Variants in MIER2 observed in about 807,000 individuals in gnomAD.
The protein encoded by MIER2 is MIER family member 2, also known as mesoderm induction early response protein 2.
Under a neutral mutation model 67.6 loss-of-function variants are expected in MIER2, and 30 were observed. The observed-to-expected ratio is 0.44, with a 90% confidence interval of 0.33 to 0.60. MIER2 has a LOEUF of 0.60. Ranked by LOEUF, MIER2 falls within the 20% of genes least tolerant of loss-of-function variation. MIER2 has a pLI of 0.02. For missense variants in MIER2, 702 were observed against 745.1 expected (o/e 0.94, Z 0.67); for synonymous variants, 372 against 312.6 (o/e 1.19, Z -2.00).
intron 7 of MIER2, among the ~76,000 whole-genome samples, chr19:321,010 T>G (rs537822902): frequency 6.6e-6 from 1 of 152,272 alleles, no homozygotes; most frequent in East Asian, 1.9e-4. Context: ...GGCACAAGGA[T>G]GTGAAAAACG....
Position 308,475 on chromosome 19 carries a change from G to A in MIER2, c.1198+102C>T, listed in dbSNP as rs1970767533. On this transcript the variant is annotated intron_variant, in intron 12 of 13. Coordinates refer to ENST00000264819, the MANE Select transcript of MIER2 (RefSeq NM_017550.3). This position sits in a 1 kb window ranked among gnomAD's most constrained non-coding sequence, Gnocchi z 9.1. ...GACGCCCACTCCTCCTGGCGAGGCT[G>A]GCCCAGCACAGGGCGCCAGGCAGGA... 3 of 1,257,526 alleles carry A rather than the reference G, an allele frequency of 2.4e-6. No homozygotes were observed. Among genetic ancestry groups the A allele is most frequent in the Non-Finnish European group, 2.2e-6 (2 of 918,628 alleles). 77.9% of individuals were successfully genotyped at this position (1,257,526 alleles called of 1,614,324 possible).
At chr19:318,584 G>A (rs1971359839) in intron 7 of MIER2, among the ~76,000 whole-genome samples, 1 of 152,178 alleles carries the variant, frequency 6.6e-6, no homozygotes. Context: ...CAATTATCCA[G>A]CGGATCCAAG....
rs1185311691 is a variant in MIER2 at position 339,965 on chromosome 19, T to G, written c.10-3792A>C. Among the ~76,000 whole-genome samples, 6 of 152,318 alleles carry G rather than the reference T, an allele frequency of 3.9e-5. No homozygotes were observed. The Middle Eastern group carries it at 0.017, about 432-fold the overall frequency. ...GGACACATTAAAACGGTGAACTGCA[T>G]GGTAAATGAATTATACCTCGGGAAA... On this transcript the variant is annotated intron_variant, in intron 1 of 13. Coordinates refer to ENST00000264819, the MANE Select transcript of MIER2 (RefSeq NM_017550.3).
intron 2 of MIER2, among the ~76,000 whole-genome samples, chr19:334,824 G>A (rs948549035): frequency 6.6e-6 from 1 of 152,174 alleles, no homozygotes; most frequent in African/African-American, 2.4e-5. Flanking sequence ...GCGAGGATTT[G>A]GGGAGCAAGT....
intron 3 of MIER2, among the ~76,000 whole-genome samples, chr19:333,333 C>T (rs1292389036): frequency 1.8e-5 from 1 of 55,266 alleles, no homozygotes; most frequent in African/African-American, 1.1e-4. Context: ...GGTTTCACTA[C>T]GTTGGCCAGG....
intron 13 of MIER2, 48 bp downstream of exon 13, chr19:307,071 G>T: frequency 1.3e-6 from 2 of 1,524,234 alleles, no homozygotes; most frequent in South Asian, 1.3e-5. Context: ...GGGCTGGGGG[G>T]ACCTGGTTGG....
rs909020731 is a variant in MIER2 at position 327,122 on chromosome 19, G to C, written c.493+11C>G. 3.2e-6 allele frequency: 5 copies of C among 1,576,902 alleles called. No individual in the cohort carries two copies. Among genetic ancestry groups the C allele is most frequent in the Admixed American group, 2.1e-5 (1 of 47,854 alleles). On this transcript the variant is annotated intron_variant, in intron 5 of 13. Coordinates refer to ENST00000264819, the MANE Select transcript of MIER2 (RefSeq NM_017550.3). ...CTGGCTGCGGTGGAGTATGGGGACA[G>C]AGTCACCTACATCCACTCCGGTTAG...
chr19:326,392 C>A lies in MIER2; in HGVS notation c.585+115G>T, dbSNP rs575801911. ...TGCCAGGTTGGGGACACGGCAGAGC[C>A]ACGGCCGGGATGCCAGGCTGGGGAG... On this transcript the variant is annotated intron_variant, in intron 6 of 13. Transcript: ENST00000264819. The A allele has an allele frequency of 4.5e-5, 40 of 890,580 alleles. No homozygotes were observed. In the East Asian group the frequency reaches 9.3e-4, roughly 21 times the overall value. The allele number at this position is 890,580 out of a possible 1,614,324, so 55.2% of individuals were successfully genotyped here. A position where few individuals can be genotyped will look rare whatever the true frequency, so the allele number is the denominator to read the frequency against.
chr19:329,785 G>T (rs551249193), intron 3 of MIER2, among the ~76,000 whole-genome samples: 1 of 147,432 alleles, frequency 6.8e-6, no homozygotes, highest in East Asian at 2.0e-4. Flanking sequence ...AGAATCGCTT[G>T]AACCTAGGAG....
At chr19:342,874 A>AGGAAGT (rs111303567) in intron 1 of MIER2, among the ~76,000 whole-genome samples, 383 of 152,172 alleles carry the variant, frequency 2.5e-3, no homozygotes, top group African/African-American at 8.9e-3. Flanking sequence ...GATGAGGAAA[A>AGGAAGT]GGAAGTTCTG....
Position 334,509 on chromosome 19 carries a change from T to C in MIER2, c.134A>G (p.Asn45Ser), listed in dbSNP as rs1568235973. The C allele has an allele frequency of 6.2e-7, 1 of 1,613,982 alleles. No individual in the cohort carries two copies. Among genetic ancestry groups the C allele is most frequent in the Non-Finnish European group, 8.5e-7 (1 of 1,180,010 alleles). Residue 45 changes from asparagine to serine, a missense_variant, in exon 3 of 14, where the codon AAC (asparagine) becomes AGC (serine). By Grantham distance (46) the Asn-to-Ser change is conservative. Around this residue, in one of 3 missense-constraint regions of MIER2, gnomAD observed 320 missense variants for 292.6 expected, o/e 1.09. Coordinates refer to ENST00000264819, the MANE Select transcript of MIER2 (RefSeq NM_017550.3). Reference sequence around the variant, plus strand: ...GTTCTGTGACAGGATCTCTGCGAGGTTGAACTGATGGTCTCCAGAGCCCAT... The same window carrying C: ...GTTCTGTGACAGGATCTCTGCGAGGCTGAACTGATGGTCTCCAGAGCCCAT... The part of the protein sequence containing the change: ...VSMGSGDHQF[N>S]LAEILSQNYS...
At chr19:335,535 A>G (rs1972204622) in intron 2 of MIER2, among the ~76,000 whole-genome samples, 1 of 152,162 alleles carries the variant, frequency 6.6e-6, no homozygotes, top group South Asian at 2.1e-4. Context: ...ACGGAAAGAG[A>G]CGCAGCCCTA....
At chr19:327,624 G>A (rs1406477582) in intron 4 of MIER2, among the ~76,000 whole-genome samples, 2 of 152,222 alleles carry the variant, frequency 1.3e-5, no homozygotes, top group African/African-American at 2.4e-5. Context: ...CAGTCCTGGG[G>A]AGGCCCCGAT....
chr19:311,620 A>G (rs1222161619), intron 10 of MIER2, among the ~76,000 whole-genome samples: 1 of 152,110 alleles, frequency 6.6e-6, no homozygotes, highest in African/African-American at 2.4e-5. Context: ...AGCTTTTGCC[A>G]CATTCTTTCC....
chr19:307,999 GA>G (rs1568213822), intron 12 of MIER2, among the ~76,000 whole-genome samples: 1 of 152,130 alleles, frequency 6.6e-6, no homozygotes. Context: ...ACAAACCATG[GA>G]AACAACCAGA....
chr19:339,486 G>A (rs992039511), intron 1 of MIER2, among the ~76,000 whole-genome samples: 1 of 152,234 alleles, frequency 6.6e-6, no homozygotes, highest in Non-Finnish European at 1.5e-5. Flanking sequence ...GAACTCTCCT[G>A]TGCCCTGCCG....
rs190398953 is a variant in MIER2, at chr19:327,945, G to A, written c.288C>T (p.Tyr96=). 8.5e-5 allele frequency: 137 copies of A among 1,612,772 alleles called. No individual in the cohort carries two copies. The highest frequency in any genetic ancestry group is 1.5e-4 in the African/African-American group (11 of 74,914). ...GGTCTGAAATGGGGTCTGACGCCTCGTAGCCATAGAGCGCAAGCAGCTCAT... is the reference window on the plus strand; with the variant it reads ...GGTCTGAAATGGGGTCTGACGCCTCATAGCCATAGAGCGCAAGCAGCTCAT... ...PFDELLALYG[Y]EASDPISDRE... The change falls in exon 4 of 14, where the codon TAC becomes TAT. Residue 96 remains tyrosine, a synonymous_variant. Transcript: ENST00000264819.
Position 327,868 on chromosome 19 carries a change from T to C in MIER2, c.365A>G (p.Asp122Gly). ...VAPNLPDMTLDKEQIAKDLLS... is the reference protein window; with the variant it reads ...VAPNLPDMTLGKEQIAKDLLS... ...CCAGGAAGGGCCCTCACTTACTTTGTCCAGGGTCATGTCTGGGAGGTTCGG... is the reference window on the plus strand; with the variant it reads ...CCAGGAAGGGCCCTCACTTACTTTGCCCAGGGTCATGTCTGGGAGGTTCGG... The change falls in exon 4 of 14, where the codon GAC (aspartate) becomes GGC (glycine). Residue 122 changes from aspartate to glycine, a missense_variant. Transcript: ENST00000264819. 3.1e-6 allele frequency: 5 copies of C among 1,612,074 alleles called. No individual in the cohort carries two copies. Among genetic ancestry groups the C allele is most frequent in the Middle Eastern group, 1.7e-4 (1 of 6,038 alleles).
At chr19:344,427 C>A in intron 1 of MIER2, 2 of 975,364 alleles carry the variant, frequency 2.1e-6, no homozygotes, top group South Asian at 4.7e-5. Flanking sequence ...GGAACCGGAG[C>A]CGGACCCTGG....
Sources: gnomAD v4.1 joint callset for allele counts (sites outside exome capture counted in the v4.1 genomes callset) on GRCh38, gnomAD v4.1.1 for gene constraint, gnomAD v4.1.1 regional missense constraint, Gnocchi (gnomAD v3.1) non-coding constraint, MANE v1.5 for transcripts, NCBI Gene and HGNC (gene_info 2026-07-23, HGNC 2026-07-21) for gene names.